Variants in PNCK observed in about 807,000 individuals in gnomAD.
PNCK encodes the protein calcium/calmodulin-dependent protein kinase type 1B.
Under a neutral mutation model 28.3 loss-of-function variants are expected in PNCK, and 21 were observed. That is an observed-to-expected ratio of 0.74 (90% confidence interval 0.53 to 1.07). The LOEUF (loss-of-function observed/expected upper bound fraction) is 1.07, where lower values mean the gene tolerates loss of function less well. Among genes scored for constraint, PNCK ranks in the 50% least tolerant of loss-of-function variants. The pLI, the probability that PNCK is intolerant of heterozygous loss-of-function variation, is 0.00. For missense variants in PNCK, 250 were observed against 298.3 expected (o/e 0.84, Z 1.19); for synonymous variants, 136 against 125.2 (o/e 1.09, Z -0.58).
At chrX:153,687,635 G>T, upstream of PNCK, 1 of 311,298 alleles carries the variant, frequency 3.2e-6, no homozygotes. Flanking sequence ...GGAGGGGCCG[G>T]CCGGGAAGCC....
upstream of PNCK, among the ~76,000 whole-genome samples, chrX:153,679,291 C>T (rs1557042143): frequency 9.1e-6 from 1 of 109,689 alleles, no homozygotes; most frequent in African/African-American, 3.3e-5. Flanking sequence ...GTCACATTCT[C>T]ACCAGCAATG....
At chrX:153,677,760 ATATAGTGTGTATATATATAGTGTG>A (rs1211617695), upstream of PNCK, among the ~76,000 whole-genome samples, 3 of 104,326 alleles carry the variant, frequency 2.9e-5, no homozygotes, top group Non-Finnish European at 5.8e-5. Context: ...TAGTGTGTAT[ATATAGTGTGTATATATATAGTGTG>A]TATATAGTGT....
upstream of PNCK, among the ~76,000 whole-genome samples, chrX:153,679,233 T>A (rs781945987): frequency 9.0e-6 from 1 of 110,995 alleles, no homozygotes; most frequent in African/African-American, 3.3e-5. Context: ...AAGAGTATAC[T>A]TAGCTTCGGA....
intron 11 of PNCK, 64 bp from the exon 12 acceptor site, chrX:153,670,194 AC>A: frequency 2.5e-6 from 1 of 403,330 alleles, no homozygotes; most frequent in Non-Finnish European, 4.3e-6. Context: ...CTGTGCCCCC[AC>A]CCCCCGCCTC....
At chrX:153,678,356 A>C (rs1557042031), upstream of PNCK, among the ~76,000 whole-genome samples, 1 of 111,317 alleles carries the variant, frequency 9.0e-6, no homozygotes, top group African/African-American at 3.3e-5. Context: ...CGGGAGGCTG[A>C]GTTAGGAGGA....
intron 1 of PNCK, 112 bp from the exon 2 acceptor site, chrX:153,673,190 T>C (rs782597962): frequency 8.5e-7 from 1 of 1,181,559 alleles, no homozygotes; most frequent in Non-Finnish European, 1.1e-6. Context: ...CGCTGCGCGC[T>C]CGACCCTCCC....
chrX:153,681,073 C>T (rs782020979), intron 1 of PNCK, among the ~76,000 whole-genome samples: 6 of 105,939 alleles, frequency 5.7e-5, no homozygotes, highest in Non-Finnish European at 1.2e-4. Flanking sequence ...CAGGAGCCAA[C>T]CGAAAGAGAG....
At chrX:153,677,583 AGTG>A (rs200470624), upstream of PNCK, among the ~76,000 whole-genome samples, 10 of 99,275 alleles carry the variant, frequency 1.0e-4, no homozygotes, top group South Asian at 1.8e-3. Flanking sequence ...GTGTATATAT[AGTG>A]TATATATATA....
At chrX:153,670,640 A>G (rs781895969) in intron 10 of PNCK, 46 bp from the exon 11 acceptor site, 6 of 1,196,676 alleles carry the variant, frequency 5.0e-6, no homozygotes, top group Non-Finnish European at 1.1e-6. Flanking sequence ...CCCAGGCCCC[A>G]GCCCCTAGAC....
intron 1 of PNCK, among the ~76,000 whole-genome samples, chrX:153,685,187 C>T (rs1603210490): frequency 9.1e-6 from 1 of 109,525 alleles, no homozygotes; most frequent in South Asian, 4.0e-4. Context: ...CTGGAGAGCC[C>T]ACCCTGCCCC....
upstream of PNCK, chrX:153,674,124 C>T (rs782417452): frequency 8.3e-6 from 10 of 1,209,034 alleles, no homozygotes; most frequent in Admixed American, 8.7e-5. Context: ...CTGCCTTCAC[C>T]GCCTCTCCGA....
chrX:153,684,600 C>T (rs926892461), intron 1 of PNCK, among the ~76,000 whole-genome samples: 5 of 110,502 alleles, frequency 4.5e-5, no homozygotes, highest in African/African-American at 6.6e-5. Flanking sequence ...CCAGCTTATT[C>T]TAATTCCAAA....
In PNCK at chrX:153,670,060, T is replaced by G; in HGVS notation, c.*78A>C. On this transcript the variant is annotated 3_prime_UTR_variant, in exon 12 of 12. Coordinates refer to ENST00000340888, the MANE Select transcript of PNCK (RefSeq NM_001366977.1). ...CAGAGGCCAGCCCCAGGGGGAGGGG[T>G]TGGGGGAGGGGACCGAAAGCATCCA... 1 of 274,007 alleles carries G rather than the reference T, an allele frequency of 3.6e-6. No individual in the cohort carries two copies. Among genetic ancestry groups the G allele is most frequent in the Non-Finnish European group, 6.9e-6 (1 of 144,944 alleles). The allele number at this position is 274,007 out of a possible 1,213,427, so 22.6% of individuals were successfully genotyped here. A position where few individuals can be genotyped will look rare whatever the true frequency, so the allele number is the denominator to read the frequency against.
intron 1 of PNCK, among the ~76,000 whole-genome samples, chrX:153,684,788 A>G (rs1203666727): frequency 1.5e-5 from 1 of 65,968 alleles, no homozygotes; most frequent in Non-Finnish European, 2.8e-5. Context: ...GGCCTCCCCC[A>G]ACAAACAGGA....
intron 1 of PNCK, 151 bp from the exon 2 acceptor site, chrX:153,673,229 C>A: frequency 8.3e-7 from 1 of 1,198,179 alleles, no homozygotes; most frequent in South Asian, 1.8e-5. Context: ...CACCCCCAGA[C>A]GGACGCCTCC....
In PNCK at chrX:153,669,964, G is replaced by A. The variant is rs2091272339; in HGVS notation, c.*174C>T. 1 of 328,597 alleles carries A rather than the reference G, an allele frequency of 3.0e-6. No individual in the cohort carries two copies. The highest frequency in any genetic ancestry group is 6.1e-6 in the Non-Finnish European group (1 of 164,082). The allele number at this position is 328,597 out of a possible 1,213,427, so 27.1% of individuals were successfully genotyped here. A position where few individuals can be genotyped will look rare whatever the true frequency, so the allele number is the denominator to read the frequency against. ...ACTGCCCCCAGGCAGGGCAGAGCCT[G>A]GGGACAGACTTGGGGGTGCCCCATT... is the stretch of plus-strand genomic sequence containing the variant. On this transcript the variant is annotated 3_prime_UTR_variant, in exon 12 of 12. Coordinates refer to ENST00000340888, the MANE Select transcript of PNCK (RefSeq NM_001366977.1).
intron 9 of PNCK, 24 bp downstream of exon 9, chrX:153,670,894 C>T: frequency 2.5e-6 from 3 of 1,211,562 alleles, no homozygotes; most frequent in Non-Finnish European, 3.4e-6. Context: ...GGCCCTGGGG[C>T]AGCTCAGCAG....
chrX:153,677,628 AGT>A (rs1401408969), upstream of PNCK, among the ~76,000 whole-genome samples: 596 of 95,651 alleles, frequency 6.2e-3, 12 homozygotes, highest in African/African-American at 0.023. Context: ...GTATATATAT[AGT>A]GTGTATATAT....
Position 153,672,679 on chromosome X carries a change from C to T in PNCK, c.87G>A (p.Val29=). The change falls in exon 3 of 12, where the codon GTG becomes GTA. Residue 29 remains valine, a synonymous_variant. Transcript: ENST00000340888. ...ERLGSGAFSE[V]VLAQERGSAH... ...CGGAGCCCCGCTCCTGGGCCAGCAC[C>T]ACCTCGGAGAAGGCACCCCTGCCGC... is the stretch of plus-strand genomic sequence containing the variant. 1 of 1,200,605 alleles carries T rather than the reference C, an allele frequency of 8.3e-7. No homozygotes were observed. The highest frequency in any genetic ancestry group is 1.1e-6 in the Non-Finnish European group (1 of 893,333).
Sources: gnomAD v4.1 joint callset for allele counts (sites outside exome capture counted in the v4.1 genomes callset) on GRCh38, gnomAD v4.1.1 for gene constraint, MANE v1.5 for transcripts, NCBI Gene and HGNC (gene_info 2026-07-23, HGNC 2026-07-21) for gene names.